Variants in MICAL2 observed in about 807,000 individuals in gnomAD.
MICAL2 encodes the protein microtubule associated monooxygenase, calponin and LIM domain containing 2.
In MICAL2, 77 loss-of-function variants were observed where a neutral mutation model predicts 127.3. The observed-to-expected ratio is 0.60, with a 90% confidence interval of 0.50 to 0.73. The LOEUF (loss-of-function observed/expected upper bound fraction) is 0.73, where lower values mean the gene tolerates loss of function less well. MICAL2 is among the 30% of genes least tolerant of loss of function. MICAL2 has a pLI of 0.00. For synonymous variants in MICAL2, 570 were observed against 551.1 expected, an observed-to-expected ratio of 1.03 and a Z score of -0.48; for missense variants, 1,351 against 1,434.4, an observed-to-expected ratio of 0.94 and a Z score of 0.94.
At chr11:12,236,627 A>G (rs1040444274) in intron 16 of MICAL2, among the ~76,000 whole-genome samples, 1 of 152,168 alleles carries the variant, frequency 6.6e-6, no homozygotes, top group African/African-American at 2.4e-5. Context: ...TTTTCTCCCA[A>G]TCATCGTTTG....
chr11:12,341,652 C>T (rs1046281211), intron 32 of MICAL2, among the ~76,000 whole-genome samples: 2 of 152,058 alleles, frequency 1.3e-5, no homozygotes, highest in Non-Finnish European at 2.9e-5. Flanking sequence ...CATGGTGAAA[C>T]CCCATCTCTA....
chr11:12,228,703 T>C (rs544409934), intron 15 of MICAL2, among the ~76,000 whole-genome samples: 5 of 152,226 alleles, frequency 3.3e-5, no homozygotes, highest in African/African-American at 1.2e-4. Flanking sequence ...GGAGAGCGCT[T>C]CTACGGGATG....
At chr11:12,341,092 TG>T (rs1938857042) in intron 32 of MICAL2, among the ~76,000 whole-genome samples, 1 of 152,066 alleles carries the variant, frequency 6.6e-6, no homozygotes, top group Non-Finnish European at 1.5e-5. Flanking sequence ...GAAACTTGAA[TG>T]AAACAGGTCT....
intron 24 of MICAL2, chr11:12,257,291 C>T (rs1862459541): frequency 3.7e-6 from 1 of 272,192 alleles, no homozygotes; most frequent in African/African-American, 2.2e-5. Flanking sequence ...CAAGAAAATC[C>T]AACCTGATAC....
intron 32 of MICAL2, among the ~76,000 whole-genome samples, chr11:12,332,938 C>T (rs1480148332): frequency 6.6e-6 from 1 of 152,144 alleles, no homozygotes; most frequent in Non-Finnish European, 1.5e-5. Flanking sequence ...CACTCCTAGT[C>T]TATGGAAGAC....
chr11:12,259,973 A>G (rs1862877759), intron 26 of MICAL2, 76 bp downstream of exon 26: 2 of 1,573,118 alleles, frequency 1.3e-6, no homozygotes, highest in Non-Finnish European at 8.6e-7. Context: ...AACTGGATGC[A>G]GGGACTCCTG....
intron 2 of MICAL2, among the ~76,000 whole-genome samples, chr11:12,143,267 G>C (rs1415589285): frequency 6.6e-6 from 1 of 152,214 alleles, no homozygotes; most frequent in Non-Finnish European, 1.5e-5. Context: ...GAAGTAAGGA[G>C]GAGTAGTGGG....
intron 3 of MICAL2, among the ~76,000 whole-genome samples, chr11:12,184,422 C>T (rs1001251609): frequency 2.0e-5 from 3 of 152,044 alleles, no homozygotes; most frequent in African/African-American, 7.2e-5. Context: ...AGCATACCTG[C>T]CCACAGAGGC....
At chr11:12,347,818 T>G (rs1208294648) in intron 32 of MICAL2, among the ~76,000 whole-genome samples, 2 of 152,132 alleles carry the variant, frequency 1.3e-5, no homozygotes, top group African/African-American at 4.8e-5. Flanking sequence ...AGAACTCCTG[T>G]GCAGATACTA....
downstream of MICAL2, chr11:12,359,262 T>A (rs771910619): frequency 1.3e-5 from 2 of 151,388 alleles, no homozygotes; most frequent in African/African-American, 2.4e-5. Context: ...TTATGGACCC[T>A]GGAAAATAAT....
chr11:12,329,862 G>GAAAAAAAAAA (rs59395634), intron 32 of MICAL2, among the ~76,000 whole-genome samples: 23 of 121,932 alleles, frequency 1.9e-4, no homozygotes, highest in Non-Finnish European at 2.5e-4. Flanking sequence ...CCCCAAATAT[G>GAAAAAAAAAA]AAAAAAAAAA....
intron 3 of MICAL2, among the ~76,000 whole-genome samples, chr11:12,177,599 A>C (rs752289925): frequency 2.0e-5 from 3 of 152,162 alleles, no homozygotes; most frequent in Non-Finnish European, 4.4e-5. Context: ...CTTTTGCCCT[A>C]CATTTTCTTC....
At position 12,241,046 on chromosome 11, in the gene MICAL2, C is replaced by G. The variant is rs369706521; in HGVS notation, c.2221C>G (p.Arg741Gly). Residue 741 changes from arginine to glycine, a missense_variant, in exon 18 of 28, where the codon CGT becomes GGT. Arg to Gly is a moderately radical substitution (Grantham distance 125). Around this residue, in one of 2 missense-constraint regions of MICAL2, gnomAD observed 752 missense variants for 719.4 expected, o/e 1.05. Coordinates refer to ENST00000683283, the MANE Select transcript of MICAL2 (RefSeq NM_001282663.2). The stretch of plus-strand genomic sequence containing the variant: ...CTCGCCTTTCTTCTCCCAGGAACGC[C>G]GTGTCTCAGGGATAGGTAAGCCGGT... ...RNPSLMKQER[R>G]VSGIGKPVLC... 1.9e-6 allele frequency: 3 copies of G among 1,613,888 alleles called. No homozygotes were observed. The highest frequency in any genetic ancestry group is 3.3e-5 in the Admixed American group (2 of 59,966).
downstream of MICAL2, among the ~76,000 whole-genome samples, chr11:12,291,419 C>G (rs1005737922): frequency 2.0e-5 from 3 of 152,188 alleles, no homozygotes; most frequent in Admixed American, 6.5e-5. Flanking sequence ...GAATTCTGCT[C>G]TAAGCAGACT....
At chr11:12,162,818 G>A (rs1854990000) in intron 3 of MICAL2, among the ~76,000 whole-genome samples, 1 of 152,188 alleles carries the variant, frequency 6.6e-6, no homozygotes, top group South Asian at 2.1e-4. Context: ...TTAGAGATGG[G>A]GAAATTGAGA....
Position 12,216,330 on chromosome 11 carries a change from C to T in MICAL2, c.948+11C>T, listed in dbSNP as rs748053656. The T allele has an allele frequency of 1.9e-6, 3 of 1,607,226 alleles. No individual in the cohort carries two copies. The Admixed American group carries it at 5.0e-5, about 27-fold the overall frequency. On this transcript the variant is annotated intron_variant, in intron 8 of 27. Transcript: ENST00000683283. ...GGTGTCATCATTAACGTACGTACCTCTTGGCTGCGATTTCCCGACTTCGCG... is the reference window on the plus strand; with the variant it reads ...GGTGTCATCATTAACGTACGTACCTTTTGGCTGCGATTTCCCGACTTCGCG...
chr11:12,181,635 A>C (rs1857493176), intron 3 of MICAL2, among the ~76,000 whole-genome samples: 1 of 152,244 alleles, frequency 6.6e-6, no homozygotes, highest in Non-Finnish European at 1.5e-5. Flanking sequence ...CCTTGAAACC[A>C]AACTTTTCTG....
intron 29 of MICAL2, among the ~76,000 whole-genome samples, chr11:12,299,760 C>T (rs149163540): frequency 8.3e-4 from 127 of 152,298 alleles, no homozygotes; most frequent in Middle Eastern, 3.4e-3. Context: ...TGTGTAATCG[C>T]CCCTGAGATC....
At chr11:12,279,646 G>A (rs1179897779) in intron 1 of MICAL2, among the ~76,000 whole-genome samples, 1 of 152,218 alleles carries the variant, frequency 6.6e-6, no homozygotes, top group Non-Finnish European at 1.5e-5. Context: ...CAGGGCAGGA[G>A]CCAGAGTCTC....
Sources: allele counts gnomAD v4.1 joint callset (sites outside exome capture counted in the v4.1 genomes callset), GRCh38; gene constraint gnomAD v4.1.1; regional missense constraint gnomAD v4.1.1; transcripts MANE v1.5; gene names NCBI Gene and HGNC (gene_info 2026-07-23, HGNC 2026-07-21).